PDK1: variants seen among roughly 807,000 people sequenced by gnomAD.
PDK1 encodes the protein [Pyruvate dehydrogenase (acetyl-transferring)] kinase isozyme 1, mitochondrial.
In PDK1, 39 loss-of-function variants were observed where a neutral mutation model predicts 54.2. The ratio of observed to expected loss-of-function variants is 0.72; its 90% CI spans 0.56 to 0.94. The LOEUF is 0.94. Ranked by LOEUF, PDK1 falls within the 40% of genes least tolerant of loss-of-function variation. PDK1 has a pLI of 0.00. For missense variants in PDK1, 552 were observed against 566.0 expected (o/e 0.98, Z 0.25); for synonymous variants, 221 against 207.1 (o/e 1.07, Z -0.58).
the PDK1 span, chr2:172,674,778 CT>C: frequency 7.1e-6 from 1 of 140,362 alleles, no homozygotes; most frequent in South Asian, 2.2e-4. Flanking sequence ...AGCTCAGGGC[CT>C]TCGGGAGGGG....
At chr2:172,706,451 G>A in the PDK1 span, among the ~76,000 whole-genome samples, 1 of 151,210 alleles carries the variant, frequency 6.6e-6, no homozygotes, top group South Asian at 2.1e-4. Flanking sequence ...TTGAGACAGG[G>A]TCTAGCTCTG....
the PDK1 span, among the ~76,000 whole-genome samples, chr2:172,628,192 C>T: frequency 4.1e-4 from 62 of 152,324 alleles, no homozygotes; most frequent in African/African-American, 1.4e-3. Flanking sequence ...CTGAAATTTA[C>T]CCCTGCTTTA....
chr2:172,667,884 G>A, the PDK1 span, among the ~76,000 whole-genome samples: 1 of 152,192 alleles, frequency 6.6e-6, no homozygotes, highest in African/African-American at 2.4e-5. Flanking sequence ...CAGTTAATCA[G>A]TGGCAAAACC....
rs954181472 is a variant in PDK1, at chr2:172,561,938, TA to T, written c.339-273del. Among the ~76,000 whole-genome samples, 161 of 151,522 alleles carry T rather than the reference TA, an allele frequency of 1.1e-3. 1 individual carries two copies. Among genetic ancestry groups the T allele is most frequent in the African/African-American group, 3.5e-3 (146 of 41,354 alleles). ...TATACTGTAATGTACAGTGGTAAATTAAAAAAAAATTAAAAGCCATTTTAGA... is the reference window on the plus strand; with the variant it reads ...TATACTGTAATGTACAGTGGTAAATTAAAAAAAATTAAAAGCCATTTTAGA... On this transcript the variant is annotated intron_variant, in intron 2 of 10. Coordinates refer to ENST00000282077, the MANE Select transcript of PDK1 (RefSeq NM_002610.5).
At chr2:172,684,147 G>A in the PDK1 span, among the ~76,000 whole-genome samples, 26 of 152,298 alleles carry the variant, frequency 1.7e-4, no homozygotes, top group African/African-American at 6.3e-4. Flanking sequence ...TGGGCTGGGT[G>A]CAGTGGCTTA....
intron 9 of PDK1, among the ~76,000 whole-genome samples, chr2:172,587,027 C>A (rs144451456): frequency 6.6e-6 from 1 of 152,316 alleles, no homozygotes; most frequent in Non-Finnish European, 1.5e-5. Flanking sequence ...GGCTTGGAAA[C>A]TTCTCTGACA....
In PDK1 at chr2:172,603,489, G is replaced by T. The variant is rs1244265041; in HGVS notation, c.*7520G>T. 1 of 152,200 alleles carries T rather than the reference G, an allele frequency of 6.6e-6. No individual in the cohort carries two copies. Among genetic ancestry groups the T allele is most frequent in the East Asian group, 1.9e-4 (1 of 5,196 alleles). The allele number at this position is 152,200 out of a possible 1,614,324, so 9.4% of individuals were successfully genotyped here. A position where few individuals can be genotyped will look rare whatever the true frequency, so the allele number is the denominator to read the frequency against. ...ATGCTTATCTTTGTATCCATTTCAT[G>T]GGGAAGGTCATGGAAGACGACAGCA... On this transcript the variant is annotated 3_prime_UTR_variant, in exon 11 of 11. Transcript: ENST00000282077.
chr2:172,720,116 C>CTCTCTT, the PDK1 span, among the ~76,000 whole-genome samples: 186 of 116,716 alleles, frequency 1.6e-3, 1 homozygote, highest in African/African-American at 4.7e-3. Context: ...CTCTCTCTCT[C>CTCTCTT]TTTTTTTTTT....
the PDK1 span, among the ~76,000 whole-genome samples, chr2:172,703,118 G>T: frequency 6.6e-6 from 1 of 152,180 alleles, no homozygotes; most frequent in Non-Finnish European, 1.5e-5. Context: ...GGGAGATTTT[G>T]CACACACATG....
At chr2:172,647,040 C>T in the PDK1 span, among the ~76,000 whole-genome samples, 2 of 152,006 alleles carry the variant, frequency 1.3e-5, no homozygotes, top group East Asian at 1.9e-4. Context: ...CCCAGCCTAA[C>T]GTGTTCCCAG....
chr2:172,704,665 T>C, the PDK1 span, among the ~76,000 whole-genome samples: 28,668 of 152,042 alleles, frequency 0.19, 3,265 homozygotes, highest in African/African-American at 0.32. Context: ...CAGATGCTTA[T>C]GTGCTTTATT....
At chr2:172,595,778 T>G in intron 10 of PDK1, 51 bp from the exon 11 acceptor site, 1 of 1,526,516 alleles carries the variant, frequency 6.6e-7, no homozygotes, top group South Asian at 1.2e-5. Flanking sequence ...TCTCAAATAA[T>G]GAATTCTAAA....
the PDK1 span, among the ~76,000 whole-genome samples, chr2:172,715,743 G>C: frequency 6.6e-6 from 1 of 152,172 alleles, no homozygotes; most frequent in African/African-American, 2.4e-5. Flanking sequence ...ATTGTTACAT[G>C]TGAACTGCCT....
At chr2:172,655,044 C>G in the PDK1 span, among the ~76,000 whole-genome samples, 2 of 152,168 alleles carry the variant, frequency 1.3e-5, no homozygotes, top group Non-Finnish European at 2.9e-5. Flanking sequence ...TTCAAAGACT[C>G]CACAGTCAGA....
At chr2:172,720,170 A>G in the PDK1 span, among the ~76,000 whole-genome samples, 1 of 138,426 alleles carries the variant, frequency 7.2e-6, no homozygotes, top group African/African-American at 2.7e-5. Flanking sequence ...GCTGGTGTGC[A>G]GTGGTACAAT....
At chr2:172,622,783 A>AT in the PDK1 span, among the ~76,000 whole-genome samples, 160 of 145,388 alleles carry the variant, frequency 1.1e-3, 1 homozygote, top group African/African-American at 3.7e-3. Flanking sequence ...TTTATATCTC[A>AT]TATGTGAGAT....
chr2:172,556,636 T>A (rs1442326590), intron 1 of PDK1: 7 of 281,312 alleles, frequency 2.5e-5, no homozygotes, highest in Non-Finnish European at 4.0e-5. Flanking sequence ...AGGTGCGCGC[T>A]AGGCCAGGCC....
In PDK1 at chr2:172,599,499, G is replaced by T. The variant is rs1691040314; in HGVS notation, c.*3530G>T. 1 of 152,142 alleles carries T rather than the reference G, an allele frequency of 6.6e-6. No individual in the cohort carries two copies. Among genetic ancestry groups the T allele is most frequent in the South Asian group, 2.1e-4 (1 of 4,830 alleles). 9.4% of individuals were successfully genotyped at this position (152,142 alleles called of 1,614,324 possible). A position where few individuals can be genotyped will look rare whatever the true frequency, so the allele number is the denominator to read the frequency against. ...TAATCAGGGTTGAGTTAGGTAGTTT[G>T]CAAACATGACTTTTGCTGGAGGAAC... On this transcript the variant is annotated 3_prime_UTR_variant, in exon 11 of 11. Coordinates refer to ENST00000282077, the MANE Select transcript of PDK1 (RefSeq NM_002610.5).
chr2:172,687,245 G>C, the PDK1 span, among the ~76,000 whole-genome samples: 2 of 151,740 alleles, frequency 1.3e-5, no homozygotes, highest in Non-Finnish European at 2.9e-5. Flanking sequence ...CTTTTTATAT[G>C]TTTATTGTCT....
Sources: gnomAD v4.1 joint callset for allele counts (sites outside exome capture counted in the v4.1 genomes callset) on GRCh38, gnomAD v4.1.1 for gene constraint, MANE v1.5 for transcripts, NCBI Gene and HGNC (gene_info 2026-07-23, HGNC 2026-07-21) for gene names.